The following SBF2 variants were observed in gnomAD, a reference collection of about 807,000 sequenced individuals.
SBF2 encodes myotubularin-related protein 13.
In SBF2, 112 loss-of-function variants were observed where a neutral mutation model predicts 225.2. That is an observed-to-expected ratio of 0.50 (90% CI 0.43 to 0.58). The LOEUF (loss-of-function observed/expected upper bound fraction) is 0.58. Among genes scored for constraint, SBF2 ranks in the 20% least tolerant of loss-of-function variants. The pLI is 0.00. For synonymous variants in SBF2, 763 were observed against 773.3 expected, an observed-to-expected ratio of 0.99 and a Z score of 0.22; for missense variants, 1,996 against 2,206.2, an observed-to-expected ratio of 0.90 and a Z score of 1.91.
In SBF2 at chr11:9,842,613, G is replaced by A. The variant is rs760013879; in HGVS notation, c.3256+12C>T. 1.2e-5 allele frequency: 20 copies of A among 1,613,314 alleles called. No homozygotes were observed. The highest frequency in any genetic ancestry group is 1.1e-5 in the South Asian group (1 of 91,072). ...AAGTTGAATAATGAAGGAAATTCAAGTTTTCACATACCAGATACATCATCA... is the reference window on the plus strand; with the variant it reads ...AAGTTGAATAATGAAGGAAATTCAAATTTTCACATACCAGATACATCATCA... On this transcript the variant is annotated intron_variant, in intron 25 of 39. Coordinates refer to ENST00000256190, the MANE Select transcript of SBF2 (RefSeq NM_030962.4).
At chr11:10,225,356 A>G (rs1487370257) in intron 1 of SBF2, among the ~76,000 whole-genome samples, 1 of 152,004 alleles carries the variant, frequency 6.6e-6, no homozygotes, top group African/African-American at 2.4e-5. Flanking sequence ...ATGCCAGATA[A>G]ATGAAAAAGA....
At chr11:9,967,428 T>C (rs544068097) in intron 14 of SBF2, among the ~76,000 whole-genome samples, 4 of 151,564 alleles carry the variant, frequency 2.6e-5, no homozygotes, top group African/African-American at 9.7e-5. Flanking sequence ...AGACGTACAT[T>C]GGAAATATTA....
chr11:10,105,602 C>T (rs1333624144), intron 2 of SBF2, among the ~76,000 whole-genome samples: 1 of 152,132 alleles, frequency 6.6e-6, no homozygotes, highest in Non-Finnish European at 1.5e-5. Flanking sequence ...AAAATAAAAG[C>T]TCACTTTTTT....
chr11:10,196,227 A>G (rs939187721), intron 1 of SBF2, among the ~76,000 whole-genome samples: 1 of 152,180 alleles, frequency 6.6e-6, no homozygotes. Context: ...TAATAAATTC[A>G]TTGGTACTGA....
intron 16 of SBF2, among the ~76,000 whole-genome samples, chr11:9,941,417 G>A (rs969754072): frequency 2.0e-5 from 3 of 152,110 alleles, no homozygotes; most frequent in Admixed American, 6.5e-5. Flanking sequence ...AGGAACACAC[G>A]ATTTCACTCT....
chr11:10,120,324 TCTA>T (rs1409447094), intron 2 of SBF2, among the ~76,000 whole-genome samples: 4 of 152,210 alleles, frequency 2.6e-5, no homozygotes, highest in Non-Finnish European at 5.9e-5. Context: ...TTTTCTTTAT[TCTA>T]CTGACAGACA....
At chr11:9,915,170 C>T (rs111786281) in intron 16 of SBF2, among the ~76,000 whole-genome samples, 2,302 of 152,090 alleles carry the variant, frequency 0.015, 48 homozygotes, top group African/African-American at 0.052. Context: ...AAAAGAAGGC[C>T]GGGTGCAGTG....
intron 16 of SBF2, among the ~76,000 whole-genome samples, chr11:9,942,985 AAGAAAG>A (rs949154290): frequency 1.8e-4 from 6 of 33,766 alleles, no homozygotes; most frequent in African/African-American, 4.5e-4. Flanking sequence ...AAGAGGAAGA[AAGAAAG>A]AAAGAAAGAA....
chr11:10,279,130 A>AG (rs1963211980), intron 1 of SBF2, among the ~76,000 whole-genome samples: 1 of 148,762 alleles, frequency 6.7e-6, no homozygotes, highest in East Asian at 2.0e-4. Flanking sequence ...AAAAAAAAAA[A>AG]GCCAGGCGTG....
At chr11:10,096,285 A>G (rs554702031) in intron 2 of SBF2, among the ~76,000 whole-genome samples, 35 of 152,186 alleles carry the variant, frequency 2.3e-4, no homozygotes, top group Non-Finnish European at 4.1e-4. Flanking sequence ...CTACCTACAC[A>G]TTAATAAACA....
chr11:9,864,630 T>C (rs560587462), intron 17 of SBF2, among the ~76,000 whole-genome samples: 4 of 152,064 alleles, frequency 2.6e-5, no homozygotes, highest in Non-Finnish European at 4.4e-5. Context: ...CAAGTGATCC[T>C]CCCGCCTCGG....
At chr11:9,882,782 TG>T (rs1466999403) in intron 17 of SBF2, among the ~76,000 whole-genome samples, 1 of 112,936 alleles carries the variant, frequency 8.9e-6, no homozygotes, top group Non-Finnish European at 1.8e-5. Flanking sequence ...CACTCCAGCC[TG>T]GGTGACAGAG....
intron 29 of SBF2, among the ~76,000 whole-genome samples, chr11:9,814,118 A>G (rs990139185): frequency 1.3e-5 from 2 of 152,202 alleles, no homozygotes; most frequent in Admixed American, 1.3e-4. Flanking sequence ...ATTTGCAATT[A>G]AAGAATGCTA....
intron 2 of SBF2, among the ~76,000 whole-genome samples, chr11:10,167,429 C>A (rs1300575730): frequency 3.9e-5 from 6 of 152,050 alleles, no homozygotes; most frequent in Non-Finnish European, 8.8e-5. Flanking sequence ...ATTAGCTGGG[C>A]AAGGTGGCTC....
At chr11:10,076,124 A>G (rs1447115243) in intron 2 of SBF2, among the ~76,000 whole-genome samples, 1 of 152,238 alleles carries the variant, frequency 6.6e-6, no homozygotes, top group South Asian at 2.1e-4. Flanking sequence ...GTGAATCACC[A>G]GTGTATGACG....
Position 9,912,104 on chromosome 11 carries a change from T to C in SBF2, c.1861-16093A>G, listed in dbSNP as rs1360513793. Among the ~76,000 whole-genome samples the C allele has an allele frequency of 1.8e-3, 233 of 131,934 alleles. No individual in the cohort carries two copies. The Middle Eastern group carries it at 0.026, about 15-fold the overall frequency. 86.6% of individuals were successfully genotyped at this position (131,934 alleles called of 152,430 possible). A position where few individuals can be genotyped will look rare whatever the true frequency, so the allele number is the denominator to read the frequency against. Reference sequence around the variant, plus strand: ...GGCTAAGGCAGGCAAATCACAAGGTTAGGAGTTCAAGACCAGCCTGGCCAA... The same window carrying C: ...GGCTAAGGCAGGCAAATCACAAGGTCAGGAGTTCAAGACCAGCCTGGCCAA... On this transcript the variant is annotated intron_variant, in intron 16 of 39. Coordinates refer to ENST00000256190, the MANE Select transcript of SBF2 (RefSeq NM_030962.4).
intron 23 of SBF2, among the ~76,000 whole-genome samples, chr11:9,846,583 T>C (rs1856564130): frequency 6.6e-6 from 1 of 152,244 alleles, no homozygotes; most frequent in African/African-American, 2.4e-5. Context: ...ACTGTTTACC[T>C]TTCCATAGAA....
chr11:9,895,558 T>C (rs1861181291), intron 17 of SBF2, among the ~76,000 whole-genome samples: 1 of 152,164 alleles, frequency 6.6e-6, no homozygotes, highest in Non-Finnish European at 1.5e-5. Flanking sequence ...TGTCATTCAT[T>C]CAATAAATAT....
chr11:9,828,283 CA>C lies in SBF2; in HGVS notation c.3793+1072del, dbSNP rs1855181886. On this transcript the variant is annotated intron_variant, in intron 28 of 39. Transcript: ENST00000256190. ...GTTTGGGTTAACATTACTCAAATGA[CA>C]AAAAGTTATCTTCAGGTGTAGCATG... is the stretch of plus-strand genomic sequence containing the variant. 2.4e-6 allele frequency: 3 copies of C among 1,263,948 alleles called. No individual in the cohort carries two copies. The South Asian group carries it at 3.9e-5, about 16-fold the overall frequency. The allele number at this position is 1,263,948 out of a possible 1,614,324, so 78.3% of individuals were successfully genotyped here.
Sources: gnomAD v4.1 joint callset for allele counts (sites outside exome capture counted in the v4.1 genomes callset) on GRCh38, gnomAD v4.1.1 for gene constraint, MANE v1.5 for transcripts, NCBI Gene and HGNC (gene_info 2026-07-23, HGNC 2026-07-21) for gene names.